TMEM94: variants seen among roughly 807,000 people sequenced by gnomAD.
TMEM94 encodes ER Mg2+ ATPase.
Under a neutral mutation model 158.6 loss-of-function variants are expected in TMEM94, and 81 were observed. The observed-to-expected ratio is 0.51, with a 90% confidence interval of 0.43 to 0.61. The LOEUF is 0.61. Among genes scored for constraint, TMEM94 ranks in the 20% least tolerant of loss-of-function variants. TMEM94 has a pLI of 0.00. For synonymous variants in TMEM94, 751 were observed against 730.7 expected, an observed-to-expected ratio of 1.03 and a Z score of -0.45; for missense variants, 1,435 against 1,762.0, an observed-to-expected ratio of 0.81 and a Z score of 3.32.
At position 75,492,156 on chromosome 17, in the gene TMEM94, C is replaced by G; in HGVS notation, c.1596+256C>G. On this transcript the variant is annotated intron_variant, in intron 14 of 31. Coordinates refer to ENST00000314256, the MANE Select transcript of TMEM94 (RefSeq NM_014738.6). This position sits in a 1 kb window ranked among gnomAD's most constrained non-coding sequence, Gnocchi z 4.4. ...TGGAACCTTCCAAATATACACAGCC[C>G]GGAGCTCCCTCTTAGAGATGTTCCC... 1.0e-6 allele frequency: 1 copy of G among 986,252 alleles called. No individual in the cohort carries two copies. Among genetic ancestry groups the G allele is most frequent in the Non-Finnish European group, 1.4e-6 (1 of 692,118 alleles). The allele number at this position is 986,252 out of a possible 1,614,324, so 61.1% of individuals were successfully genotyped here. A position where few individuals can be genotyped will look rare whatever the true frequency, so the allele number is the denominator to read the frequency against.
rs909668190 is a variant in TMEM94 at position 75,478,003 on chromosome 17, C to CTTT, written c.24+6102_24+6104dup. ...CCTGGGCAACAAAGCGAGACTCCATCTTTTTTTTTTTTTTTTTTTTTTTTT... is the reference window on the plus strand; with the variant it reads ...CCTGGGCAACAAAGCGAGACTCCATCTTTTTTTTTTTTTTTTTTTTTTTTTTTT... On this transcript the variant is annotated intron_variant, in intron 2 of 31. Transcript: ENST00000314256. Among the ~76,000 whole-genome samples the CTTT allele has an allele frequency of 1.7e-3, 97 of 57,912 alleles. 18 individuals carry two copies. The highest frequency in any genetic ancestry group is 8.1e-3 in the African/African-American group (77 of 9,550). The allele number at this position is 57,912 out of a possible 152,430, so 38.0% of individuals were successfully genotyped here. A position where few individuals can be genotyped will look rare whatever the true frequency, so the allele number is the denominator to read the frequency against.
chr17:75,484,557 A>G (rs1283023201), intron 2 of TMEM94, among the ~76,000 whole-genome samples: 1 of 151,336 alleles, frequency 6.6e-6, no homozygotes, highest in Non-Finnish European at 1.5e-5. Context: ...TGCCCAGCTA[A>G]TTTTTTCTTT....
chr17:75,480,413 C>T lies in TMEM94; in HGVS notation c.25-5015C>T, dbSNP rs577942564. On this transcript the variant is annotated intron_variant, in intron 2 of 31. Transcript: ENST00000314256. ...AGATGCACACAGACAGCTCTGCAGG[C>T]GCCCTGCCTGGGAGTATCTGCCACC... Among the ~76,000 whole-genome samples, 44 of 152,380 alleles carry T rather than the reference C, an allele frequency of 2.9e-4. No homozygotes were observed. The East Asian group carries it at 8.3e-3, about 29-fold the overall frequency.
At chr17:75,479,124 G>A (rs868186115) in intron 2 of TMEM94, among the ~76,000 whole-genome samples, 1 of 152,106 alleles carries the variant, frequency 6.6e-6, no homozygotes, top group African/African-American at 2.4e-5. Context: ...CCTTCAGAAA[G>A]TATGAAGGTC....
At position 75,493,046 on chromosome 17, in the gene TMEM94, A is replaced by G; in HGVS notation, c.2030A>G (p.Lys677Arg). 1 of 1,613,536 alleles carries G rather than the reference A, an allele frequency of 6.2e-7. No individual in the cohort carries two copies. The highest frequency in any genetic ancestry group is 1.7e-5 in the Admixed American group (1 of 60,026). The change falls in exon 16 of 32, where the codon AAG becomes AGG. Residue 677 changes from lysine to arginine, a missense_variant. Around this residue, in one of 3 missense-constraint regions of TMEM94, gnomAD observed 1,051 missense variants for 1,254.4 expected, o/e 0.84. Coordinates refer to ENST00000314256, the MANE Select transcript of TMEM94 (RefSeq NM_014738.6). ...CTGGGGCGGCTCTCCTGTGTCACCA[A>G]GCGGCGGCCTCCCCTCAGCCACATG... ...TSLGRLSCVT[K>R]RRPPLSHMIS...
At chr17:75,463,996 G>C (rs1034639087) in intron 1 of TMEM94, among the ~76,000 whole-genome samples, 3 of 152,182 alleles carry the variant, frequency 2.0e-5, no homozygotes, top group African/African-American at 7.2e-5. Context: ...GGTGTGTTGG[G>C]CATGGCTGGC....
Position 75,492,930 on chromosome 17 carries a change from C to G in TMEM94, c.1914C>G (p.Gly638=), listed in dbSNP as rs1413251964. ...WGLCELARLI[G]FTPGAKELFK... ...AAGTTCCTGTTCCCCGCCCTGCAGG[C>G]TTCACTCCTGGGGCCAAGGAGCTTT... The change falls in exon 16 of 32, where the codon GGC becomes GGG. Residue 638 remains glycine (G), a splice_region_variant and synonymous_variant. Transcript: ENST00000314256. The surrounding 1 kb of genome is among the most constrained non-coding windows in gnomAD (Gnocchi z 4.4). 6.2e-7 allele frequency: 1 copy of G among 1,611,756 alleles called. No homozygotes were observed. The highest frequency in any genetic ancestry group is 8.5e-7 in the Non-Finnish European group (1 of 1,178,690).
At chr17:75,462,022 T>TTTTTTTTTG (rs1186793856) in intron 1 of TMEM94, among the ~76,000 whole-genome samples, 1 of 137,116 alleles carries the variant, frequency 7.3e-6, no homozygotes, top group Non-Finnish European at 1.6e-5. Context: ...TTTTTTTTTT[T>TTTTTTTTTG]TTTGAGGCAG....
At chr17:75,456,920 C>T (rs2049909887) in intron 1 of TMEM94, among the ~76,000 whole-genome samples, 169 bp downstream of exon 1, 1 of 152,226 alleles carries the variant, frequency 6.6e-6, no homozygotes, top group Non-Finnish European at 1.5e-5. Context: ...TGGCTCTAGT[C>T]TCCAGCTCTT....
Position 75,487,930 on chromosome 17 carries a change from A to C in TMEM94, c.410-2A>C. The C allele has an allele frequency of 6.2e-7, 1 of 1,612,518 alleles. No individual in the cohort carries two copies. Among genetic ancestry groups the C allele is most frequent in the Non-Finnish European group, 8.5e-7 (1 of 1,178,608 alleles). ...TTGTTTCCCTCTTTCCATTCCCCTC[A>C]GATGCCCTCAGGGATGGCAGGGAGA... On this transcript the variant is annotated splice_acceptor_variant, in intron 5 of 31. Coordinates refer to ENST00000314256, the MANE Select transcript of TMEM94 (RefSeq NM_014738.6). LOFTEE classifies it high-confidence loss of function. The surrounding 1 kb of genome is among the most constrained non-coding windows in gnomAD (Gnocchi z 4.6).
intron 1 of TMEM94, among the ~76,000 whole-genome samples, chr17:75,461,319 C>T (rs886761912): frequency 2.6e-5 from 4 of 151,718 alleles, no homozygotes; most frequent in East Asian, 2.0e-4. Flanking sequence ...ATGCTGATGT[C>T]GAACTCCTGA....
At chr17:75,472,519 CTT>C (rs374515972) in intron 2 of TMEM94, among the ~76,000 whole-genome samples, 6 of 152,258 alleles carry the variant, frequency 3.9e-5, no homozygotes, top group African/African-American at 1.4e-4. Flanking sequence ...CCTTTTGTCT[CTT>C]GCCTAGCTTC....
chr17:75,471,251 A>AGAAAG (rs1555622620), intron 1 of TMEM94, among the ~76,000 whole-genome samples: 1 of 141,390 alleles, frequency 7.1e-6, no homozygotes, highest in African/African-American at 3.0e-5. Flanking sequence ...AAAAAAAAAA[A>AGAAAG]AAAGAAAGAA....
intron 1 of TMEM94, among the ~76,000 whole-genome samples, chr17:75,466,252 T>C (rs1026028201): frequency 6.6e-6 from 1 of 152,216 alleles, no homozygotes; most frequent in Non-Finnish European, 1.5e-5. Context: ...AATTTTTGTA[T>C]ATGGTATGAA....
intron 16 of TMEM94, 98 bp from the exon 17 acceptor site, chr17:75,493,393 C>A: frequency 8.1e-7 from 1 of 1,235,016 alleles, no homozygotes; most frequent in Non-Finnish European, 1.2e-6. Flanking sequence ...CTGGCAGGGG[C>A]TCCTCAGCGC....
Position 75,499,362 on chromosome 17 carries a change from C to T in TMEM94, c.*28C>T. The T allele has an allele frequency of 2.5e-6, 4 of 1,603,372 alleles. No homozygotes were observed. The highest frequency in any genetic ancestry group is 3.4e-6 in the Non-Finnish European group (4 of 1,170,930). The stretch of plus-strand genomic sequence containing the variant: ...CACTGGCTGTGGTGGCTGTAGTTGC[C>T]CCCGTCCCTGGGGCTAAAGCCAGAC... On this transcript the variant is annotated 3_prime_UTR_variant, in exon 32 of 32. Coordinates refer to ENST00000314256, the MANE Select transcript of TMEM94 (RefSeq NM_014738.6).
chr17:75,480,466 G>C, intron 2 of TMEM94, among the ~76,000 whole-genome samples: 1 of 152,224 alleles, frequency 6.6e-6, no homozygotes, highest in Admixed American at 6.5e-5. Context: ...CACACCTGGA[G>C]GGGAGCAGAG....
chr17:75,489,287 G>A lies in TMEM94; in HGVS notation c.786G>A (p.Leu262=). The change falls in exon 8 of 32, where the codon CTG becomes CTA. Residue 262 remains leucine, a synonymous_variant. Coordinates refer to ENST00000314256, the MANE Select transcript of TMEM94 (RefSeq NM_014738.6). This position sits in a 1 kb window ranked among gnomAD's most constrained non-coding sequence, Gnocchi z 5.0. The stretch of plus-strand genomic sequence containing the variant: ...GCAGATGGTGCCTGGACATGGCCCT[G>A]TCCCGACCAGTCACTGCCCTGGACA... ...DNIRWCLDMA[L]SRPVTALDNE... 1 of 1,614,220 alleles carries A rather than the reference G, an allele frequency of 6.2e-7. No homozygotes were observed. Among genetic ancestry groups the A allele is most frequent in the Non-Finnish European group, 8.5e-7 (1 of 1,180,040 alleles).
chr17:75,492,309 G>A lies in TMEM94; in HGVS notation c.1597-165G>A, dbSNP rs557580742. On this transcript the variant is annotated intron_variant, in intron 14 of 31. Coordinates refer to ENST00000314256, the MANE Select transcript of TMEM94 (RefSeq NM_014738.6). The surrounding 1 kb of genome is among the most constrained non-coding windows in gnomAD (Gnocchi z 4.4). ...CAGGAGCCCAAGAAGGACAGGAAGC[G>A]GATTTCAGGAGGGAGCGGGTGGAAG... The A allele has an allele frequency of 2.8e-5, 40 of 1,429,036 alleles. No individual in the cohort carries two copies. The East Asian group carries it at 4.8e-4, about 17-fold the overall frequency. 88.5% of individuals were successfully genotyped at this position (1,429,036 alleles called of 1,614,324 possible).
Sources: allele counts gnomAD v4.1 joint callset (sites outside exome capture counted in the v4.1 genomes callset), GRCh38; gene constraint gnomAD v4.1.1; regional missense constraint gnomAD v4.1.1; non-coding constraint Gnocchi (gnomAD v3.1); transcripts MANE v1.5; gene names NCBI Gene and HGNC (gene_info 2026-07-23, HGNC 2026-07-21).